Variants in BAIAP2L2 observed in about 807,000 individuals in gnomAD.
The protein encoded by BAIAP2L2 is BAR/IMD domain-containing adapter protein 2-like 2.
A neutral mutation model predicts 60.4 loss-of-function variants in BAIAP2L2; 65 were observed. The ratio of observed to expected loss-of-function variants is 1.08; its 90% CI spans 0.88 to 1.32. The LOEUF (loss-of-function observed/expected upper bound fraction) is 1.32. BAIAP2L2 is among the 40% of genes most tolerant of loss of function. BAIAP2L2 has a pLI of 0.00. For synonymous variants in BAIAP2L2, 344 were observed against 301.7 expected (o/e 1.14, Z -1.45); for missense variants, 836 against 741.2 (o/e 1.13, Z -1.48).
At position 38,098,561 on chromosome 22, in the gene BAIAP2L2, A is replaced by G. The variant is rs1020070844; in HGVS notation, c.277-79T>C. On this transcript the variant is annotated intron_variant, in intron 4 of 13. Coordinates refer to ENST00000381669, the MANE Select transcript of BAIAP2L2 (RefSeq NM_025045.6). ...CCAGCACCCCCTTGCACTTTCTGCT[A>G]TAACAGACTGCCCATCGTGCTCCTA... The G allele has an allele frequency of 3.4e-6, 4 of 1,173,766 alleles. No individual in the cohort carries two copies. In the African/African-American group the frequency reaches 4.5e-5, roughly 13 times the overall value. 72.7% of individuals were successfully genotyped at this position (1,173,766 alleles called of 1,614,324 possible).
At chr22:38,090,905 T>C (rs970719435) in intron 7 of BAIAP2L2, 3 of 152,214 alleles carry the variant, frequency 2.0e-5, no homozygotes, top group Non-Finnish European at 4.4e-5. Flanking sequence ...CTCCCATCAC[T>C]GGAGCAACTA....
At chr22:38,104,760 T>C (rs1301313457) in intron 4 of BAIAP2L2, among the ~76,000 whole-genome samples, 1 of 152,150 alleles carries the variant, frequency 6.6e-6, no homozygotes, top group African/African-American at 2.4e-5. Context: ...CCTCCCAAAG[T>C]GCTGGGATTA....
At chr22:38,107,957 G>GCCCCCC in intron 3 of BAIAP2L2, 44 bp from the exon 4 acceptor site, 2 of 1,582,170 alleles carry the variant, frequency 1.3e-6, no homozygotes, top group Non-Finnish European at 8.7e-7. Context: ...GTGGCAGCCT[G>GCCCCCC]CCCCGCCCAC....
intron 12 of BAIAP2L2, 55 bp downstream of exon 12, chr22:38,086,187 C>T: frequency 6.4e-7 from 1 of 1,554,126 alleles, no homozygotes; most frequent in Admixed American, 1.7e-5. Flanking sequence ...GGGATCCCTG[C>T]TCTCCTGCCT....
intron 7 of BAIAP2L2, among the ~76,000 whole-genome samples, chr22:38,095,745 T>C (rs914138924): frequency 6.6e-6 from 1 of 152,072 alleles, no homozygotes; most frequent in African/African-American, 2.4e-5. Flanking sequence ...GTGTCTGTAG[T>C]AGGGTGAAGT....
intron 7 of BAIAP2L2, chr22:38,090,587 G>A (rs924291047): frequency 1.3e-5 from 2 of 152,110 alleles, no homozygotes; most frequent in African/African-American, 4.8e-5. Flanking sequence ...TCCCTTTGTC[G>A]AGCAGTGACT....
intron 12 of BAIAP2L2, among the ~76,000 whole-genome samples, chr22:38,086,022 C>T (rs1485075297): frequency 1.3e-5 from 2 of 152,220 alleles, no homozygotes; most frequent in Non-Finnish European, 2.9e-5. Context: ...CCAGCCCCGT[C>T]CTACTGGCTA....
At chr22:38,099,317 T>C (rs1245901935) in intron 4 of BAIAP2L2, among the ~76,000 whole-genome samples, 1 of 152,112 alleles carries the variant, frequency 6.6e-6, no homozygotes, top group African/African-American at 2.4e-5. Flanking sequence ...GTGGATCACC[T>C]GAGGCCAGGA....
At chr22:38,090,685 T>C (rs1315319139) in intron 7 of BAIAP2L2, 4 of 152,316 alleles carry the variant, frequency 2.6e-5, no homozygotes, top group African/African-American at 9.6e-5. Context: ...AATTATTATC[T>C]CCAGTTTATA....
At chr22:38,096,989 G>A (rs1261425846) in intron 7 of BAIAP2L2, 43 bp downstream of exon 7, 1 of 1,578,332 alleles carries the variant, frequency 6.3e-7, no homozygotes, top group South Asian at 1.1e-5. Flanking sequence ...GGAGGGGGCA[G>A]CTCCTAGAAG....
rs1430862474 is a variant in BAIAP2L2 at position 38,087,339 on chromosome 22, C to T, written c.1119-75G>A. On this transcript the variant is annotated intron_variant, in intron 10 of 13. Coordinates refer to ENST00000381669, the MANE Select transcript of BAIAP2L2 (RefSeq NM_025045.6). ...ACAATGACCAAAAGAAGACATCCTCCCCTCAGGGTCACTGGAAGCTACTTC... is the reference window on the plus strand; with the variant it reads ...ACAATGACCAAAAGAAGACATCCTCTCCTCAGGGTCACTGGAAGCTACTTC... The T allele has an allele frequency of 2.6e-6, 4 of 1,524,812 alleles. No individual in the cohort carries two copies. The African/African-American group carries it at 4.3e-5, about 16-fold the overall frequency. 94.5% of individuals were successfully genotyped at this position (1,524,812 alleles called of 1,614,324 possible). A position where few individuals can be genotyped will look rare whatever the true frequency, so the allele number is the denominator to read the frequency against.
At chr22:38,107,279 G>C (rs918903568) in intron 4 of BAIAP2L2, among the ~76,000 whole-genome samples, 1 of 152,098 alleles carries the variant, frequency 6.6e-6, no homozygotes, top group African/African-American at 2.4e-5. Context: ...CCAACTGGAC[G>C]GCAGGGGGAG....
chr22:38,089,583 A>G lies in BAIAP2L2; in HGVS notation c.704T>C (p.Leu235Pro), dbSNP rs2086229094. Residue 235 changes from leucine (L) to proline (P), a missense_variant, in exon 8 of 14, where the codon CTG becomes CCG. By Grantham distance (98) the Leu-to-Pro change is moderately conservative. Coordinates refer to ENST00000381669, the MANE Select transcript of BAIAP2L2 (RefSeq NM_025045.6). ...SPSRAHSPGL[L>P]GPALGPPYPS... ...GTAGGGCGGCCCCAGCGCGGGGCCCAGCAGGCCGGGGGAGTGGGCGCGCGA... is the reference window on the plus strand; with the variant it reads ...GTAGGGCGGCCCCAGCGCGGGGCCCGGCAGGCCGGGGGAGTGGGCGCGCGA... The G allele has an allele frequency of 8.1e-7, 1 of 1,232,774 alleles. No homozygotes were observed. The highest frequency in any genetic ancestry group is 1.0e-6 in the Non-Finnish European group (1 of 990,088). 76.4% of individuals were successfully genotyped at this position (1,232,774 alleles called of 1,614,324 possible). A position where few individuals can be genotyped will look rare whatever the true frequency, so the allele number is the denominator to read the frequency against.
chr22:38,104,871 G>A lies in BAIAP2L2; in HGVS notation c.276+2981C>T, dbSNP rs891156590. ...GTAAGGTAGAGTGATAAACCACGAA[G>A]GCACACAAGGAAATGCGACCTCAGA... On this transcript the variant is annotated intron_variant, in intron 4 of 13. Coordinates refer to ENST00000381669, the MANE Select transcript of BAIAP2L2 (RefSeq NM_025045.6). 2.0e-5 allele frequency among the ~76,000 whole-genome samples: 3 copies of A among 152,024 alleles called. No individual in the cohort carries two copies. In the East Asian group the frequency reaches 5.8e-4, roughly 29 times the overall value.
chr22:38,106,908 A>C (rs2086676538), intron 4 of BAIAP2L2, among the ~76,000 whole-genome samples: 1 of 152,166 alleles, frequency 6.6e-6, no homozygotes, highest in Non-Finnish European at 1.5e-5. Context: ...GAGAGGAAGG[A>C]AGGCTCTGCG....
intron 4 of BAIAP2L2, among the ~76,000 whole-genome samples, chr22:38,101,540 C>T (rs1165424972): frequency 1.1e-5 from 1 of 89,300 alleles, no homozygotes; most frequent in Non-Finnish European, 2.0e-5. Context: ...CAGTGAGATC[C>T]TGTCTCAAAA....
chr22:38,085,830 G>T, intron 12 of BAIAP2L2, 98 bp from the exon 13 acceptor site: 1 of 1,186,524 alleles, frequency 8.4e-7, no homozygotes, highest in Non-Finnish European at 1.2e-6. Context: ...GCAGAGGACT[G>T]GGCCAGAGAG....
chr22:38,100,547 A>C (rs908466216), intron 4 of BAIAP2L2, among the ~76,000 whole-genome samples: 2 of 149,754 alleles, frequency 1.3e-5, no homozygotes, highest in Non-Finnish European at 3.0e-5. Flanking sequence ...TAAATAAATA[A>C]ATAAATAAAT....
intron 4 of BAIAP2L2, among the ~76,000 whole-genome samples, chr22:38,104,043 A>G (rs1346046137): frequency 6.6e-6 from 1 of 152,214 alleles, no homozygotes; most frequent in Non-Finnish European, 1.5e-5. Context: ...TGGTGGCTTC[A>G]CCTTCAGAGG....
Sources: gnomAD v4.1 joint callset for allele counts (sites outside exome capture counted in the v4.1 genomes callset) on GRCh38, gnomAD v4.1.1 for gene constraint, MANE v1.5 for transcripts, NCBI Gene and HGNC (gene_info 2026-07-23, HGNC 2026-07-21) for gene names.